CENPP: variants seen among roughly 807,000 people sequenced by gnomAD.
CENPP encodes the protein centromere protein P.
In CENPP, 24 loss-of-function variants were observed where a neutral mutation model predicts 35.6. The ratio of observed to expected loss-of-function variants is 0.67; its 90% CI spans 0.49 to 0.95. CENPP has a LOEUF of 0.95. CENPP is among the 40% of genes least tolerant of loss of function. The probability of loss-of-function intolerance (pLI) is 0.00; values close to 1 mark genes in which losing one functional copy is unlikely to be tolerated. For missense variants in CENPP, 332 were observed against 345.3 expected (o/e 0.96, Z 0.31); for synonymous variants, 120 against 125.5 (o/e 0.96, Z 0.29).
chr9:92,572,404 T>G (rs1850166426), intron 5 of CENPP, among the ~76,000 whole-genome samples: 1 of 152,254 alleles, frequency 6.6e-6, no homozygotes, highest in Non-Finnish European at 1.5e-5. Context: ...TTTAAGAATG[T>G]TGAATATCGG....
intron 5 of CENPP, among the ~76,000 whole-genome samples, chr9:92,552,098 G>GGTCT (rs1849621298): frequency 7.5e-6 from 1 of 133,660 alleles, no homozygotes; most frequent in Non-Finnish European, 1.6e-5. Flanking sequence ...TGATATGATA[G>GGTCT]ATCTATCATA....
At chr9:92,410,741 G>A (rs1843422872) in intron 5 of CENPP, among the ~76,000 whole-genome samples, 1 of 152,208 alleles carries the variant, frequency 6.6e-6, no homozygotes, top group African/African-American at 2.4e-5. Context: ...TCTGTGGGCT[G>A]CTGGGCCAGA....
intron 5 of CENPP, among the ~76,000 whole-genome samples, chr9:92,583,055 C>T (rs1850466792): frequency 6.6e-6 from 1 of 152,160 alleles, no homozygotes; most frequent in Admixed American, 6.5e-5. Flanking sequence ...TATATGTCTT[C>T]AGTTTAAGCA....
intron 5 of CENPP, among the ~76,000 whole-genome samples, chr9:92,565,752 A>G (rs535744092): frequency 1.3e-5 from 2 of 152,296 alleles, no homozygotes; most frequent in South Asian, 4.1e-4. Flanking sequence ...GAGGATTCAA[A>G]AGCAACTGCA....
chr9:92,506,035 G>A (rs1027558021), intron 5 of CENPP, among the ~76,000 whole-genome samples: 2 of 152,196 alleles, frequency 1.3e-5, no homozygotes, highest in Non-Finnish European at 2.9e-5. Context: ...TGTGGTGGCT[G>A]AACAGGGATT....
At chr9:92,343,767 G>A (rs12378039) in intron 3 of CENPP, among the ~76,000 whole-genome samples, 48 of 152,052 alleles carry the variant, frequency 3.2e-4, no homozygotes, top group Admixed American at 9.8e-4. Context: ...GCAACATAGC[G>A]AGACCCTGTC....
At chr9:92,532,029 A>ATTTTTTTTTTTTTTTTT (rs201461115) in intron 5 of CENPP, among the ~76,000 whole-genome samples, 8 of 91,022 alleles carry the variant, frequency 8.8e-5, no homozygotes, top group Non-Finnish European at 1.1e-4. Flanking sequence ...TTTTTTTTTT[A>ATTTTTTTTTTTTTTTTT]TTTTATTTTT....
intron 5 of CENPP, among the ~76,000 whole-genome samples, chr9:92,431,779 T>C (rs1233029543): frequency 6.6e-6 from 1 of 152,130 alleles, no homozygotes; most frequent in African/African-American, 2.4e-5. Context: ...TTCACCACAT[T>C]GGCTAGGGTG....
At chr9:92,415,028 A>G (rs1448734523) in intron 5 of CENPP, 5 of 702,168 alleles carry the variant, frequency 7.1e-6, no homozygotes, top group Non-Finnish European at 1.1e-5. Context: ...CTTAAATTCA[A>G]TTCTGATCTT....
intron 5 of CENPP, among the ~76,000 whole-genome samples, chr9:92,390,587 T>TGCGC (rs1554756507): frequency 0.034 from 4,856 of 141,876 alleles, 99 homozygotes; most frequent in Non-Finnish European, 0.047. Context: ...TGTGTGTGTG[T>TGCGC]GCGCGCGCGC....
chr9:92,511,524 C>G (rs1373777596), intron 5 of CENPP, among the ~76,000 whole-genome samples: 1 of 151,888 alleles, frequency 6.6e-6, no homozygotes, highest in Admixed American at 6.6e-5. Context: ...TCTTCTTCCC[C>G]AAGCTATCCC....
At chr9:92,326,475 C>T (rs538878944) in intron 1 of CENPP, among the ~76,000 whole-genome samples, 5 of 152,322 alleles carry the variant, frequency 3.3e-5, no homozygotes, top group Admixed American at 6.5e-5. Flanking sequence ...ACCATCTCAA[C>T]TGATAATGAC....
At chr9:92,343,352 C>T (rs1841180165) in intron 3 of CENPP, among the ~76,000 whole-genome samples, 1 of 152,128 alleles carries the variant, frequency 6.6e-6, no homozygotes, top group African/African-American at 2.4e-5. Flanking sequence ...GTTCTTAGTA[C>T]TACATTTGTG....
intron 5 of CENPP, among the ~76,000 whole-genome samples, chr9:92,464,468 T>C (rs1157863411): frequency 6.6e-6 from 1 of 152,364 alleles, no homozygotes; most frequent in East Asian, 1.9e-4. Flanking sequence ...TGCCTTGCCT[T>C]GAATGGCATG....
At chr9:92,418,842 T>C (rs1383037267) in intron 5 of CENPP, among the ~76,000 whole-genome samples, 1 of 152,168 alleles carries the variant, frequency 6.6e-6, no homozygotes, top group Non-Finnish European at 1.5e-5. Context: ...AGAATCCAAT[T>C]ATTTAGTCTC....
At chr9:92,366,090 G>A (rs1003394296) in intron 4 of CENPP, among the ~76,000 whole-genome samples, 2 of 148,528 alleles carry the variant, frequency 1.3e-5, no homozygotes, top group Non-Finnish European at 3.0e-5. Flanking sequence ...TGAGGCAGGA[G>A]AATGGTGTGA....
chr9:92,603,750 C>T (rs1288130206), intron 5 of CENPP, among the ~76,000 whole-genome samples: 1 of 152,200 alleles, frequency 6.6e-6, no homozygotes, highest in African/African-American at 2.4e-5. Flanking sequence ...CCCCAGAGCA[C>T]ATCCACGTCA....
rs979781118 is a variant in CENPP, at chr9:92,612,407, G to C, written c.645-116G>C. On this transcript the variant is annotated intron_variant, in intron 6 of 7. Transcript: ENST00000375587. ...GTGCCTCTTCTTGGCTGTGGATTGG[G>C]GTTTCTAGCAGGGGAGCCCAGCATG... is the stretch of plus-strand genomic sequence containing the variant. 13 of 754,612 alleles carry C rather than the reference G, an allele frequency of 1.7e-5. No individual in the cohort carries two copies. The African/African-American group carries it at 2.1e-4, about 12-fold the overall frequency. The allele number at this position is 754,612 out of a possible 1,614,324, so 46.7% of individuals were successfully genotyped here.
intron 5 of CENPP, among the ~76,000 whole-genome samples, chr9:92,595,058 A>G (rs2131379233): frequency 6.6e-6 from 1 of 151,990 alleles, no homozygotes; most frequent in South Asian, 2.1e-4. Context: ...CACCAAGCGC[A>G]GCTAATTTTT....
Sources: gnomAD v4.1 joint callset for allele counts (sites outside exome capture counted in the v4.1 genomes callset) on GRCh38, gnomAD v4.1.1 for gene constraint, MANE v1.5 for transcripts, NCBI Gene and HGNC (gene_info 2026-07-23, HGNC 2026-07-21) for gene names.